STRN3: variants seen among roughly 807,000 people sequenced by gnomAD.
STRN3 encodes the protein striatin 3, also known as striatin-3.
Under a neutral mutation model 95.6 loss-of-function variants are expected in STRN3, and 29 were observed. The ratio of observed to expected loss-of-function variants is 0.30; its 90% CI spans 0.23 to 0.41. STRN3 has a LOEUF of 0.41. Ranked by LOEUF, STRN3 falls within the 10% of genes least tolerant of loss-of-function variation. STRN3 has a pLI of 1.00. For synonymous variants in STRN3, 331 were observed against 357.6 expected (o/e 0.93, Z 0.84); for missense variants, 890 against 972.1 (o/e 0.92, Z 1.12).
intron 1 of STRN3, among the ~76,000 whole-genome samples, chr14:30,991,411 T>G (rs1178439821): frequency 1.3e-5 from 2 of 152,214 alleles, no homozygotes; most frequent in African/African-American, 4.8e-5. Context: ...TACAGCCTAC[T>G]GTTAAAGATA....
chr14:30,922,156 T>C (rs1008626450), intron 8 of STRN3, among the ~76,000 whole-genome samples: 5 of 152,176 alleles, frequency 3.3e-5, no homozygotes, highest in Non-Finnish European at 7.4e-5. Context: ...CCAGAGTAGC[T>C]GGGACCACAG....
intron 1 of STRN3, among the ~76,000 whole-genome samples, chr14:30,983,582 C>T (rs1291174624): frequency 1.3e-5 from 2 of 152,090 alleles, no homozygotes; most frequent in Non-Finnish European, 2.9e-5. Flanking sequence ...GATGTTTTTT[C>T]ATGTGTAAAG....
In STRN3 at chr14:31,005,384, G is replaced by C. The variant is rs528547922; in HGVS notation, c.282+20520C>G. Among the ~76,000 whole-genome samples, 4 of 152,308 alleles carry C rather than the reference G, an allele frequency of 2.6e-5. No homozygotes were observed. The South Asian group carries it at 8.3e-4, about 32-fold the overall frequency. On this transcript the variant is annotated intron_variant, in intron 1 of 17. Transcript: ENST00000357479. ...GAGGGAAGGAGCAAGTAGGAGAATA[G>C]TCAATTATGTATTCATCTCACAATC...
intron 1 of STRN3, among the ~76,000 whole-genome samples, chr14:30,992,557 T>C (rs1485457797): frequency 2.0e-5 from 2 of 101,678 alleles, no homozygotes; most frequent in East Asian, 3.1e-4. Flanking sequence ...GCCCGGCCCC[T>C]GTCTCTTTAA....
chr14:30,946,783 G>C (rs1035887862), intron 5 of STRN3, among the ~76,000 whole-genome samples: 1 of 152,114 alleles, frequency 6.6e-6, no homozygotes, highest in African/African-American at 2.4e-5. Flanking sequence ...TTCGCAACCA[G>C]CCTGGCCAAC....
At chr14:30,988,269 G>A (rs1487327092) in intron 1 of STRN3, among the ~76,000 whole-genome samples, 7 of 152,114 alleles carry the variant, frequency 4.6e-5, no homozygotes, top group Non-Finnish European at 1.0e-4. Context: ...GGCCTCATAA[G>A]CAAATCCTAA....
At chr14:30,902,792 T>G (rs1291199990) in intron 15 of STRN3, 149 bp from the exon 16 acceptor site, 1 of 588,066 alleles carries the variant, frequency 1.7e-6, no homozygotes, top group African/African-American at 1.9e-5. Context: ...ACAAGGACTC[T>G]AGAGAGATTT....
chr14:30,977,794 G>GAAAAAAAAAAAAAAAA (rs869303485), intron 1 of STRN3, among the ~76,000 whole-genome samples: 1 of 109,924 alleles, frequency 9.1e-6, no homozygotes, highest in Non-Finnish European at 1.7e-5. Context: ...ACTCTATCTC[G>GAAAAAAAAAAAAAAAA]AAAAAAAAAA....
intron 8 of STRN3, 21 bp from the exon 9 acceptor site, chr14:30,919,127 T>C (rs1268878274): frequency 2.5e-6 from 4 of 1,579,266 alleles, no homozygotes; most frequent in African/African-American, 2.7e-5. Flanking sequence ...ATGTCAGCAG[T>C]AGAGGTTCAT....
chr14:30,997,979 T>C (rs1163253414), intron 1 of STRN3, among the ~76,000 whole-genome samples: 1 of 152,196 alleles, frequency 6.6e-6, no homozygotes, highest in African/African-American at 2.4e-5. Context: ...TATGGCTGAA[T>C]CTTGGTAGGA....
At chr14:30,956,883 G>A (rs1454778436) in intron 1 of STRN3, among the ~76,000 whole-genome samples, 2 of 152,228 alleles carry the variant, frequency 1.3e-5, no homozygotes, top group Non-Finnish European at 2.9e-5. Flanking sequence ...ATCTGAGCTA[G>A]GCACGTGGCT....
At chr14:30,985,238 G>T (rs1188516791) in intron 1 of STRN3, among the ~76,000 whole-genome samples, 1 of 150,998 alleles carries the variant, frequency 6.6e-6, no homozygotes, top group African/African-American at 2.4e-5. Flanking sequence ...AACCTAGGAG[G>T]CAGAGGTTGC....
chr14:30,914,337 G>A (rs759678306), intron 9 of STRN3, among the ~76,000 whole-genome samples: 3 of 152,060 alleles, frequency 2.0e-5, no homozygotes, highest in Non-Finnish European at 2.9e-5. Flanking sequence ...GTGGTCTTCA[G>A]AATGTCTTCC....
intron 7 of STRN3, among the ~76,000 whole-genome samples, chr14:30,933,290 A>T (rs1405309063): frequency 2.5e-4 from 37 of 150,128 alleles, no homozygotes; most frequent in African/African-American, 7.8e-4. Flanking sequence ...TAAAAAAAAA[A>T]AAAAAAAAAA....
chr14:30,962,682 C>G (rs1177763809), intron 1 of STRN3, among the ~76,000 whole-genome samples: 1 of 151,994 alleles, frequency 6.6e-6, no homozygotes, highest in African/African-American at 2.4e-5. Context: ...CTACAAGCAC[C>G]TACTACTATG....
In STRN3 at chr14:30,919,189, A is replaced by G; in HGVS notation, c.1100-83T>C. 3.0e-6 allele frequency: 4 copies of G among 1,340,778 alleles called. No homozygotes were observed. In the South Asian group the frequency reaches 7.7e-5, roughly 26 times the overall value. 83.1% of individuals were successfully genotyped at this position (1,340,778 alleles called of 1,614,324 possible). On this transcript the variant is annotated intron_variant, in intron 8 of 17. Coordinates refer to ENST00000357479, the MANE Select transcript of STRN3 (RefSeq NM_001083893.2). ...CAGCCTTTAAAACCAATTTATTAAC[A>G]AAACAGACTATTAAGAAGTCCCAGT...
intron 16 of STRN3, among the ~76,000 whole-genome samples, chr14:30,898,566 T>G (rs142382965): frequency 2.9e-4 from 44 of 152,270 alleles, no homozygotes; most frequent in African/African-American, 1.0e-3. Flanking sequence ...GGACCATGAA[T>G]AGAGAACACA....
intron 1 of STRN3, among the ~76,000 whole-genome samples, chr14:30,965,373 C>A (rs1295377522): frequency 3.9e-5 from 6 of 152,076 alleles, no homozygotes; most frequent in African/African-American, 1.2e-4. Flanking sequence ...TTTCTTCTGC[C>A]TGCCTAGTAG....
At chr14:31,018,624 A>C in intron 1 of STRN3, 1 of 505,324 alleles carries the variant, frequency 2.0e-6, no homozygotes, top group South Asian at 1.5e-5. Context: ...ACAGAGCTCA[A>C]AGAAGAGTGC....
Sources: allele counts gnomAD v4.1 joint callset (sites outside exome capture counted in the v4.1 genomes callset), GRCh38; gene constraint gnomAD v4.1.1; transcripts MANE v1.5; gene names NCBI Gene and HGNC (gene_info 2026-07-23, HGNC 2026-07-21).